Variants in PRIM2 observed in about 807,000 individuals in gnomAD.
The protein encoded by PRIM2 is DNA primase large subunit.
Under a neutral mutation model 67.3 loss-of-function variants are expected in PRIM2, and 39 were observed. The observed-to-expected ratio is 0.58, with a 90% CI of 0.45 to 0.76. PRIM2 has a LOEUF of 0.76. PRIM2 is among the 30% of genes least tolerant of loss of function. The pLI is 0.00. For synonymous variants in PRIM2, 143 were observed against 198.7 expected (o/e 0.72, Z 2.36); for missense variants, 398 against 598.7 (o/e 0.66, Z 3.50).
In PRIM2 at chr6:57,393,000, T is replaced by TTATATA. The variant is rs66531304; in HGVS notation, c.693+10841_693+10846dup. On this transcript the variant is annotated intron_variant, in intron 7 of 13. Coordinates refer to ENST00000615550, the MANE Select transcript of PRIM2 (RefSeq NM_000947.5). ...TTTTATGGTTGCATAGTATTCCTTA[T>TTATATA]TATATATATATATACATAGACACAC... Among the ~76,000 whole-genome samples, 377 of 150,044 alleles carry TTATATA rather than the reference T, an allele frequency of 2.5e-3. 2 individuals carry two copies. The highest frequency in any genetic ancestry group is 0.024 in the Middle Eastern group (7 of 288).
the PRIM2 span, among the ~76,000 whole-genome samples, chr6:57,269,704 C>T: frequency 6.6e-6 from 1 of 152,066 alleles, no homozygotes; most frequent in Non-Finnish European, 1.5e-5. Flanking sequence ...AGGTCCTTGC[C>T]CATGCCTCTG....
the PRIM2 span, among the ~76,000 whole-genome samples, chr6:57,303,301 GA>G: frequency 4.6e-5 from 7 of 151,942 alleles, no homozygotes; most frequent in African/African-American, 1.4e-4. Flanking sequence ...TTTTTTACAT[GA>G]TTTTTTTTTT....
intron 7 of PRIM2, among the ~76,000 whole-genome samples, chr6:57,436,378 GA>G (rs562096432): frequency 1.4e-4 from 21 of 152,280 alleles, no homozygotes; most frequent in African/African-American, 5.1e-4. Context: ...CACACTTTGT[GA>G]ACTGCAGATG....
At chr6:57,543,219 G>T (rs1442527981) in intron 10 of PRIM2, among the ~76,000 whole-genome samples, 2 of 151,982 alleles carry the variant, frequency 1.3e-5, no homozygotes, top group African/African-American at 4.8e-5. Context: ...GATTACAGGC[G>T]TGAGCCACCG....
intron 7 of PRIM2, among the ~76,000 whole-genome samples, chr6:57,386,354 G>C (rs111717872): frequency 7.5e-5 from 11 of 145,964 alleles, no homozygotes; most frequent in African/African-American, 2.9e-4. Context: ...GGAGATCAAG[G>C]CTGCAATGAG....
chr6:57,234,580 G>A, the PRIM2 span, among the ~76,000 whole-genome samples: 2 of 152,046 alleles, frequency 1.3e-5, no homozygotes, highest in Admixed American at 6.6e-5. Flanking sequence ...CTGGAGTGCA[G>A]TGGCGCAATC....
chr6:57,638,017 A>C (rs1321204415), intron 13 of PRIM2, among the ~76,000 whole-genome samples: 3 of 152,250 alleles, frequency 2.0e-5, no homozygotes, highest in Non-Finnish European at 4.4e-5. Context: ...CAGGTTACCC[A>C]CAAAGGGAAA....
intron 5 of PRIM2, among the ~76,000 whole-genome samples, chr6:57,375,672 CTTT>C (rs1226774379): frequency 7.3e-5 from 10 of 136,192 alleles, no homozygotes; most frequent in Non-Finnish European, 6.4e-5. Flanking sequence ...CCGCCTCAGC[CTTT>C]TTTTTTTTTT....
chr6:57,462,732 C>T (rs369202720), intron 7 of PRIM2, among the ~76,000 whole-genome samples: 3,402 of 152,156 alleles, frequency 0.022, 108 homozygotes, highest in South Asian at 0.071. Flanking sequence ...GGCTAATGTG[C>T]GAGAGTCACC....
intron 1 of PRIM2, 40 bp from the exon 2 acceptor site, chr6:57,318,397 T>C (rs763067344): frequency 1.1e-5 from 17 of 1,521,166 alleles, no homozygotes; most frequent in Non-Finnish European, 8.8e-7. Context: ...CCCAACTTTG[T>C]TTTCCATCAT....
intron 10 of PRIM2, among the ~76,000 whole-genome samples, chr6:57,597,893 C>G (rs1776393275): frequency 6.6e-6 from 1 of 152,156 alleles, no homozygotes; most frequent in Admixed American, 6.5e-5. Flanking sequence ...TATTTATAAA[C>G]TCAAAATAAT....
chr6:57,521,720 C>T (rs1774628417), intron 8 of PRIM2, among the ~76,000 whole-genome samples: 1 of 152,034 alleles, frequency 6.6e-6, no homozygotes, highest in East Asian at 1.9e-4. Flanking sequence ...AAACTATAAC[C>T]TGCCAGATAG....
At chr6:57,340,057 A>T (rs2127292893) in intron 5 of PRIM2, among the ~76,000 whole-genome samples, 1 of 152,320 alleles carries the variant, frequency 6.6e-6, no homozygotes, top group South Asian at 2.1e-4. Context: ...ACATGAACAG[A>T]CACTTCTCAA....
At chr6:57,293,617 A>G in the PRIM2 span, among the ~76,000 whole-genome samples, 2 of 152,240 alleles carry the variant, frequency 1.3e-5, no homozygotes, top group South Asian at 4.1e-4. Context: ...CTGGATTAAG[A>G]AAATGTGGCA....
At chr6:57,411,766 A>G (rs2127364516) in intron 7 of PRIM2, among the ~76,000 whole-genome samples, 1 of 152,206 alleles carries the variant, frequency 6.6e-6, no homozygotes, top group East Asian at 1.9e-4. Context: ...ATGTTGATCT[A>G]GACTTTTCCT....
chr6:57,332,238 T>C (rs1768077440), intron 5 of PRIM2, among the ~76,000 whole-genome samples: 1 of 152,182 alleles, frequency 6.6e-6, no homozygotes. Flanking sequence ...ATATATTTTA[T>C]ATGACTGCAA....
intron 8 of PRIM2, among the ~76,000 whole-genome samples, chr6:57,523,280 G>C (rs1217003854): frequency 6.6e-5 from 10 of 152,310 alleles, no homozygotes; most frequent in Admixed American, 6.5e-4. Context: ...TAAGATGAAA[G>C]CAATTAAGAA....
intron 5 of PRIM2, among the ~76,000 whole-genome samples, chr6:57,357,935 T>A (rs2127308478): frequency 6.6e-6 from 1 of 152,266 alleles, no homozygotes; most frequent in South Asian, 2.1e-4. Flanking sequence ...ATCACCCGCC[T>A]GTCTTGAAAT....
chr6:57,338,547 G>A lies in PRIM2; in HGVS notation c.459+12502G>A, dbSNP rs537086327. Among the ~76,000 whole-genome samples, 4 of 150,922 alleles carry A rather than the reference G, an allele frequency of 2.7e-5. No homozygotes were observed. The South Asian group carries it at 6.4e-4, about 24-fold the overall frequency. On this transcript the variant is annotated intron_variant, in intron 5 of 13. Coordinates refer to ENST00000615550, the MANE Select transcript of PRIM2 (RefSeq NM_000947.5). ...GCTTCATCCCTGGGATGCAAGGCTCGTTCAATATACGCAAATCAATAAATG... is the reference window on the plus strand; with the variant it reads ...GCTTCATCCCTGGGATGCAAGGCTCATTCAATATACGCAAATCAATAAATG...
Sources: gnomAD v4.1 joint callset for allele counts (sites outside exome capture counted in the v4.1 genomes callset) on GRCh38, gnomAD v4.1.1 for gene constraint, MANE v1.5 for transcripts, NCBI Gene and HGNC (gene_info 2026-07-23, HGNC 2026-07-21) for gene names.